The following EMP1 variants were observed in gnomAD, a reference collection of about 807,000 sequenced individuals.
The protein encoded by EMP1 is tumor-associated membrane protein.
A neutral mutation model predicts 15.7 loss-of-function variants in EMP1; 5 were observed. That is an observed-to-expected ratio of 0.32 (90% CI 0.17 to 0.67). EMP1 has a LOEUF of 0.67. EMP1 is among the 30% of genes least tolerant of loss of function. The probability of loss-of-function intolerance (pLI) is 0.74; values close to 1 mark genes in which losing one functional copy is unlikely to be tolerated. For missense variants in EMP1, 166 were observed against 194.2 expected, an observed-to-expected ratio of 0.85 and a Z score of 0.86; for synonymous variants, 78 against 76.7, an observed-to-expected ratio of 1.02 and a Z score of -0.09.
intron 3 of EMP1, 30 bp downstream of exon 3, chr12:13,213,605 A>T: frequency 1.2e-6 from 2 of 1,614,096 alleles, no homozygotes; most frequent in Non-Finnish European, 1.7e-6. Flanking sequence ...CCCAGTGCTG[A>T]CAATAGGTGT....
rs1465385459 is a variant in EMP1 at position 13,213,686 on chromosome 12, C to T, written c.181C>T (p.Leu61Phe). 1.9e-6 allele frequency: 3 copies of T among 1,614,190 alleles called. No homozygotes were observed. The change falls in exon 4 of 5, where the codon CTC becomes TTC. Residue 61 changes from leucine to phenylalanine, a missense_variant. Coordinates refer to ENST00000256951, the MANE Select transcript of EMP1 (RefSeq NM_001423.3). ...DSLSYASEDA[L>F]KTVQAFMILS... The stretch of plus-strand genomic sequence containing the variant: ...TCCTCGTCCTGTGTCTACAGATGCC[C>T]TCAAGACAGTGCAGGCCTTCATGAT...
intron 3 of EMP1, 42 bp downstream of exon 3, chr12:13,213,617 G>A: frequency 6.2e-7 from 1 of 1,614,012 alleles, no homozygotes; most frequent in Non-Finnish European, 8.5e-7. Flanking sequence ...AATAGGTGTG[G>A]TCAGGGAATG....
chr12:13,198,540 G>A (rs1009553083), intron 1 of EMP1, among the ~76,000 whole-genome samples: 4 of 152,184 alleles, frequency 2.6e-5, no homozygotes, highest in African/African-American at 4.8e-5. Flanking sequence ...CAAGATGAAG[G>A]GAACTCCTAC....
rs1460134558 is a variant in EMP1 at position 13,208,509 on chromosome 12, G to A, written c.-42-2960G>A. ...ACTCATTCTGTTTTCACCTGTGTTG[G>A]GGGGAAGGCCATTGAAAATAATGGA... On this transcript the variant is annotated intron_variant, in intron 1 of 4. Transcript: ENST00000256951. Among the ~76,000 whole-genome samples, 3 of 152,140 alleles carry A rather than the reference G, an allele frequency of 2.0e-5. No individual in the cohort carries two copies. The East Asian group carries it at 5.8e-4, about 29-fold the overall frequency.
At chr12:13,202,714 G>A (rs567426161) in intron 1 of EMP1, among the ~76,000 whole-genome samples, 3 of 152,306 alleles carry the variant, frequency 2.0e-5, no homozygotes, top group South Asian at 4.1e-4. Context: ...TCAGCAAAAC[G>A]ACAGGGAGAA....
In EMP1 at chr12:13,215,613, A is replaced by C. The variant is rs1490420704; in HGVS notation, c.*922A>C. 2 of 152,282 alleles carry C rather than the reference A, an allele frequency of 1.3e-5. No homozygotes were observed. The highest frequency in any genetic ancestry group is 2.9e-5 in the Non-Finnish European group (2 of 68,068). 9.4% of individuals were successfully genotyped at this position (152,282 alleles called of 1,614,324 possible). On this transcript the variant is annotated 3_prime_UTR_variant, in exon 5 of 5. Coordinates refer to ENST00000256951, the MANE Select transcript of EMP1 (RefSeq NM_001423.3). The stretch of plus-strand genomic sequence containing the variant: ...TAAGTATACAACAGGAGAGAGATGG[A>C]CATGGCTCATTGTAGCACAATCCTA...
chr12:13,213,970 C>A lies in EMP1; in HGVS notation c.316+149C>A, dbSNP rs1241930097. On this transcript the variant is annotated intron_variant, in intron 4 of 4. Coordinates refer to ENST00000256951, the MANE Select transcript of EMP1 (RefSeq NM_001423.3). ...GGTTATTTGTTCTCTTGTGGAGAAC[C>A]TTGGATTGCTGCTTAGGTTAAGAAC... is the stretch of plus-strand genomic sequence containing the variant. 5 of 1,169,684 alleles carry A rather than the reference C, an allele frequency of 4.3e-6. No individual in the cohort carries two copies. In the East Asian group the frequency reaches 1.2e-4, roughly 29 times the overall value. 72.5% of individuals were successfully genotyped at this position (1,169,684 alleles called of 1,614,324 possible).
rs1591712017 is a variant in EMP1 at position 13,216,566 on chromosome 12, T to G, written c.*1875T>G. The G allele has an allele frequency of 3.0e-6, 2 of 667,344 alleles. No individual in the cohort carries two copies. Among genetic ancestry groups the G allele is most frequent in the East Asian group, 5.4e-5 (2 of 36,926 alleles). The allele number at this position is 667,344 out of a possible 1,614,324, so 41.3% of individuals were successfully genotyped here. On this transcript the variant is annotated 3_prime_UTR_variant, in exon 5 of 5. Coordinates refer to ENST00000256951, the MANE Select transcript of EMP1 (RefSeq NM_001423.3). ...CTCACATTTTGTTAAGAAGTTGAAC[T>G]ATGACTGGAGTAAACCATGTATTCC...
intron 1 of EMP1, among the ~76,000 whole-genome samples, chr12:13,203,127 G>T (rs1864080900): frequency 6.6e-6 from 1 of 152,186 alleles, no homozygotes; most frequent in Admixed American, 6.5e-5. Flanking sequence ...CCTTCCAGGA[G>T]GCTGCAGCTT....
chr12:13,214,686 A>T lies in EMP1; in HGVS notation c.469A>T (p.Lys157Ter), dbSNP rs1864197929. Reference protein sequence around the residue: ...IGVLYLVLRKK With the variant: ...IGVLYLVLRK ...CGTTCTCTATCTGGTCCTGAGAAAG[A>T]AATAAGGCCGGACGAGTTCATGGGG... is the stretch of plus-strand genomic sequence containing the variant. The change falls in exon 5 of 5, where the codon AAA becomes TAA. Residue 157 changes from lysine to a stop codon, truncating the protein, a stop_gained. Coordinates refer to ENST00000256951, the MANE Select transcript of EMP1 (RefSeq NM_001423.3). LOFTEE classifies it high-confidence loss of function. 6.2e-7 allele frequency: 1 copy of T among 1,609,662 alleles called. No individual in the cohort carries two copies. Among genetic ancestry groups the T allele is most frequent in the African/African-American group, 1.3e-5 (1 of 74,444 alleles).
chr12:13,200,540 A>G (rs1351827256), intron 1 of EMP1, among the ~76,000 whole-genome samples: 2 of 152,210 alleles, frequency 1.3e-5, no homozygotes, highest in African/African-American at 2.4e-5. Context: ...CTTGCTATTC[A>G]GTAATCAAGG....
chr12:13,203,344 C>T (rs978183389), intron 1 of EMP1, among the ~76,000 whole-genome samples: 6 of 152,226 alleles, frequency 3.9e-5, no homozygotes, highest in African/African-American at 1.4e-4. Flanking sequence ...ATCGCCTGAT[C>T]CCTTGACCAG....
rs147635640 is a variant in EMP1, at chr12:13,211,792, C to T, written c.78+204C>T. On this transcript the variant is annotated intron_variant, in intron 2 of 4. Coordinates refer to ENST00000256951, the MANE Select transcript of EMP1 (RefSeq NM_001423.3). The surrounding 1 kb of genome is among the most constrained non-coding windows in gnomAD (Gnocchi z 4.7). ...TGAATGTCCACAGGAGTAATCCTGC[C>T]AGAGCTGTAGGTGGTTAAGGGCTGG... 5.1e-4 allele frequency: 303 copies of T among 599,866 alleles called. No individual in the cohort carries two copies. The highest frequency in any genetic ancestry group is 1.9e-3 in the South Asian group (90 of 48,442). The allele number at this position is 599,866 out of a possible 1,614,324, so 37.2% of individuals were successfully genotyped here.
At chr12:13,207,578 A>G (rs1187467880) in intron 1 of EMP1, among the ~76,000 whole-genome samples, 4 of 152,178 alleles carry the variant, frequency 2.6e-5, no homozygotes, top group Admixed American at 1.3e-4. Flanking sequence ...AGAACAGAAA[A>G]GGGATATCAG....
intron 1 of EMP1, among the ~76,000 whole-genome samples, chr12:13,204,925 G>C (rs750468350): frequency 1.2e-4 from 19 of 152,188 alleles, no homozygotes; most frequent in Non-Finnish European, 2.4e-4. Context: ...TGATAACCTG[G>C]TAGTTCTGCT....
chr12:13,204,399 C>T (rs1162513620), intron 1 of EMP1, among the ~76,000 whole-genome samples: 3 of 152,230 alleles, frequency 2.0e-5, no homozygotes, highest in Admixed American at 2.0e-4. Flanking sequence ...TTTCCTCCTC[C>T]AGACACATCC....
intron 2 of EMP1, among the ~76,000 whole-genome samples, chr12:13,213,159 T>A (rs1316956440): frequency 6.6e-6 from 1 of 152,248 alleles, no homozygotes; most frequent in Admixed American, 6.5e-5. Flanking sequence ...GGACTTCTGT[T>A]TCTCAGAACC....
At position 13,216,266 on chromosome 12, in the gene EMP1, T is replaced by A. The variant is rs1798114073; in HGVS notation, c.*1575T>A. ...CTTTATTAGCTTTCTCCTCATCCAT[T>A]TCTTTTATACCTTTCCTTTTTGGGG... On this transcript the variant is annotated 3_prime_UTR_variant, in exon 5 of 5. Transcript: ENST00000256951. 1 of 639,488 alleles carries A rather than the reference T, an allele frequency of 1.6e-6. No homozygotes were observed. The highest frequency in any genetic ancestry group is 2.5e-5 in the Admixed American group (1 of 39,478). The allele number at this position is 639,488 out of a possible 1,614,324, so 39.6% of individuals were successfully genotyped here.
Position 13,214,814 on chromosome 12 carries a change from G to C in EMP1, c.*123G>C. 9.7e-6 allele frequency: 2 copies of C among 206,452 alleles called. No individual in the cohort carries two copies. Among genetic ancestry groups the C allele is most frequent in the South Asian group, 5.0e-5 (1 of 19,836 alleles). The allele number at this position is 206,452 out of a possible 1,614,324, so 12.8% of individuals were successfully genotyped here. A position where few individuals can be genotyped will look rare whatever the true frequency, so the allele number is the denominator to read the frequency against. ...GGGAGGGGGGAGGGGGAAGCAAAGGGGGGAGGTCAAATCCCAAACCATTAC... is the reference window on the plus strand; with the variant it reads ...GGGAGGGGGGAGGGGGAAGCAAAGGCGGGAGGTCAAATCCCAAACCATTAC... On this transcript the variant is annotated 3_prime_UTR_variant, in exon 5 of 5. Transcript: ENST00000256951.
Sources: gnomAD v4.1 joint callset for allele counts (sites outside exome capture counted in the v4.1 genomes callset) on GRCh38, gnomAD v4.1.1 for gene constraint, Gnocchi (gnomAD v3.1) non-coding constraint, MANE v1.5 for transcripts, NCBI Gene and HGNC (gene_info 2026-07-23, HGNC 2026-07-21) for gene names.